The following ELL2 variants were observed in gnomAD, a reference collection of about 807,000 sequenced individuals.
ELL2 encodes the protein elongation factor for RNA polymerase II 2, also known as RNA polymerase II elongation factor ELL2.
A neutral mutation model predicts 72.8 loss-of-function variants in ELL2; 21 were observed. The observed-to-expected ratio is 0.29, with a 90% CI of 0.20 to 0.42. The LOEUF (loss-of-function observed/expected upper bound fraction) is 0.42, where lower values mean the gene tolerates loss of function less well. ELL2 is among the 10% of genes least tolerant of loss of function. ELL2 has a pLI of 1.00. For synonymous variants in ELL2, 266 were observed against 283.2 expected, an observed-to-expected ratio of 0.94 and a Z score of 0.61; for missense variants, 568 against 772.8, an observed-to-expected ratio of 0.73 and a Z score of 3.14.
chr5:95,899,877 C>CTTTAT (rs1178066096), intron 7 of ELL2, among the ~76,000 whole-genome samples: 2 of 152,112 alleles, frequency 1.3e-5, no homozygotes, highest in Non-Finnish European at 2.9e-5. Flanking sequence ...TGTTCCCCCT[C>CTTTAT]TGTTCCTCAC....
chr5:95,900,987 C>G lies in ELL2; in HGVS notation c.835G>C (p.Asp279His). The G allele has an allele frequency of 6.2e-7, 1 of 1,612,864 alleles. No individual in the cohort carries two copies. Among genetic ancestry groups the G allele is most frequent in the Non-Finnish European group, 8.5e-7 (1 of 1,179,736 alleles). The change falls in exon 6 of 12, where the codon GAC (aspartate) becomes CAC (histidine). Residue 279 changes from aspartate to histidine, a missense_variant. Physicochemically the swap from Asp to His is moderately conservative, Grantham distance 81 (BLOSUM62 -1). This residue lies in a region of ELL2 where 511 missense variants were observed against 728.4 expected (regional missense o/e 0.70). Coordinates refer to ENST00000237853, the MANE Select transcript of ELL2 (RefSeq NM_012081.6). ...AGCACTGACTCCAATGACCGTCTGT[C>G]TATTTCACTGTATCCAGGCCAGTCT... ...QRDWPGYSEI[D>H]RRSLESVLSR...
chr5:95,933,411 T>A (rs1750667484), intron 2 of ELL2, among the ~76,000 whole-genome samples: 2 of 152,162 alleles, frequency 1.3e-5, no homozygotes, highest in African/African-American at 2.4e-5. Context: ...TGATAGTGCA[T>A]CCATAAAATG....
intron 3 of ELL2, among the ~76,000 whole-genome samples, chr5:95,917,868 A>G (rs541987942): frequency 5.7e-4 from 87 of 152,350 alleles, no homozygotes; most frequent in African/African-American, 1.9e-3. Flanking sequence ...GCTCCTTAAT[A>G]AAATTCCTAA....
intron 9 of ELL2, among the ~76,000 whole-genome samples, chr5:95,893,473 C>T (rs1219372163): frequency 6.6e-6 from 1 of 152,194 alleles, no homozygotes; most frequent in Admixed American, 6.5e-5. Flanking sequence ...CAAACTCCGC[C>T]TCCCGGGTTC....
At chr5:95,890,380 G>C (rs1748615575) in intron 10 of ELL2, among the ~76,000 whole-genome samples, 1 of 152,182 alleles carries the variant, frequency 6.6e-6, no homozygotes, top group South Asian at 2.1e-4. Context: ...ACTGGTAGTG[G>C]GCTGGGACAG....
chr5:95,894,043 G>A (rs1365122084), intron 9 of ELL2, among the ~76,000 whole-genome samples: 1 of 152,100 alleles, frequency 6.6e-6, no homozygotes, highest in African/African-American at 2.4e-5. Flanking sequence ...CTGAGGTCAG[G>A]AGTTCGAGAC....
At chr5:95,920,005 A>G (rs1749988490) in intron 2 of ELL2, among the ~76,000 whole-genome samples, 1 of 149,538 alleles carries the variant, frequency 6.7e-6, no homozygotes, top group Admixed American at 6.6e-5. Flanking sequence ...CTCTTATAAT[A>G]AAAAAACACA....
chr5:95,915,403 A>G (rs1448886747), intron 3 of ELL2, among the ~76,000 whole-genome samples: 1 of 152,232 alleles, frequency 6.6e-6, no homozygotes, highest in Non-Finnish European at 1.5e-5. Flanking sequence ...CCTGGCTGAT[A>G]AAATCTTTAT....
At chr5:95,890,121 G>C (rs1030776445) in intron 10 of ELL2, among the ~76,000 whole-genome samples, 1 of 151,940 alleles carries the variant, frequency 6.6e-6, no homozygotes, top group Admixed American at 6.6e-5. Context: ...TCTAGTTTCA[G>C]TATAATTATA....
At chr5:95,908,615 G>A (rs1485664282) in intron 4 of ELL2, among the ~76,000 whole-genome samples, 1 of 152,144 alleles carries the variant, frequency 6.6e-6, no homozygotes, top group Non-Finnish European at 1.5e-5. Flanking sequence ...TCCCCACGTT[G>A]CCAGGCTGCC....
intron 1 of ELL2, among the ~76,000 whole-genome samples, chr5:95,958,011 A>C (rs1751682127): frequency 6.6e-6 from 1 of 152,246 alleles, no homozygotes; most frequent in Non-Finnish European, 1.5e-5. Context: ...TTAATTTAGC[A>C]AATTAACCTG....
chr5:95,932,480 T>C (rs1270072084), intron 2 of ELL2, among the ~76,000 whole-genome samples: 2 of 152,264 alleles, frequency 1.3e-5, no homozygotes, highest in African/African-American at 4.8e-5. Context: ...GTAATTACTA[T>C]ATTTGAATAA....
chr5:95,901,796 A>G lies in ELL2; in HGVS notation c.742-716T>C, dbSNP rs189918882. Among the ~76,000 whole-genome samples, 386 of 152,330 alleles carry G rather than the reference A, an allele frequency of 2.5e-3. 1 individual carries two copies. The highest frequency in any genetic ancestry group is 2.2e-3 in the Non-Finnish European group (151 of 68,032). On this transcript the variant is annotated intron_variant, in intron 5 of 11. Transcript: ENST00000237853. Reference sequence around the variant, plus strand: ...GTCCAGGTAACCCTTACTGCACTTAATAATGGCCCAAGATGGCTACCAAGT... The same window carrying G: ...GTCCAGGTAACCCTTACTGCACTTAGTAATGGCCCAAGATGGCTACCAAGT...
At position 95,913,901 on chromosome 5, in the gene ELL2, A is replaced by G. The variant is rs1443402227; in HGVS notation, c.351T>C (p.Phe117=). The part of the protein sequence containing the change: ...SGASQLNCLG[F]IQDKITVCAT... ...CACACACTGTAATTTTATCTTGTATAAATCCCAGGCAATTGAGCTGGGAGG... is the reference window on the plus strand; with the variant it reads ...CACACACTGTAATTTTATCTTGTATGAATCCCAGGCAATTGAGCTGGGAGG... The change falls in exon 4 of 12, where the codon TTT becomes TTC. Residue 117 remains phenylalanine (F), a synonymous_variant. Transcript: ENST00000237853. The G allele has an allele frequency of 6.2e-7, 1 of 1,611,620 alleles. No homozygotes were observed. Among genetic ancestry groups the G allele is most frequent in the East Asian group, 2.2e-5 (1 of 44,602 alleles).
intron 1 of ELL2, among the ~76,000 whole-genome samples, chr5:95,953,296 C>T (rs2112359493): frequency 6.6e-6 from 1 of 152,266 alleles, no homozygotes; most frequent in East Asian, 1.9e-4. Flanking sequence ...GCTGAGTGAA[C>T]AAACGAATAT....
intron 4 of ELL2, 128 bp from the exon 5 acceptor site, chr5:95,906,910 C>A: frequency 2.1e-6 from 2 of 973,424 alleles, no homozygotes; most frequent in Non-Finnish European, 2.9e-6. Flanking sequence ...CACTTTATTT[C>A]AATCTTTAAG....
chr5:95,892,195 A>G (rs1013009103), intron 9 of ELL2, among the ~76,000 whole-genome samples: 1 of 150,656 alleles, frequency 6.6e-6, no homozygotes, highest in Non-Finnish European at 1.5e-5. Context: ...CGCCCAGGCC[A>G]GAGGGCAGTG....
At chr5:95,895,584 C>T (rs903792883) in intron 9 of ELL2, 44 bp downstream of exon 9, 3 of 1,564,170 alleles carry the variant, frequency 1.9e-6, no homozygotes, top group African/African-American at 1.4e-5. Context: ...TGCAAACTTT[C>T]TAAAATTAAG....
chr5:95,922,516 T>C (rs1401474830), intron 2 of ELL2, among the ~76,000 whole-genome samples: 6 of 152,246 alleles, frequency 3.9e-5, no homozygotes, highest in Non-Finnish European at 8.8e-5. Context: ...AAATGTCCAC[T>C]AAACAGAGTG....
Sources: gnomAD v4.1 joint callset for allele counts (sites outside exome capture counted in the v4.1 genomes callset) on GRCh38, gnomAD v4.1.1 for gene constraint, gnomAD v4.1.1 regional missense constraint, MANE v1.5 for transcripts, NCBI Gene and HGNC (gene_info 2026-07-23, HGNC 2026-07-21) for gene names.